RMP24: variants seen among roughly 807,000 people sequenced by gnomAD.
RMP24 encodes the protein ribonuclease MRP protein subunit p24.
chr18:35,973,052 A>G, the RMP24 span: 3 of 1,079,456 alleles, frequency 2.8e-6, no homozygotes, highest in East Asian at 2.6e-5. Context: ...CGGTTTCGTG[A>G]AAAATCCAAA....
the RMP24 span, among the ~76,000 whole-genome samples, chr18:35,974,369 A>G: frequency 1.3e-5 from 2 of 152,152 alleles, no homozygotes; most frequent in African/African-American, 4.8e-5. Flanking sequence ...GGCATTCTTA[A>G]TTGTCACTTA....
chr18:35,976,529 A>G, the RMP24 span, among the ~76,000 whole-genome samples: 4 of 152,182 alleles, frequency 2.6e-5, no homozygotes, highest in Admixed American at 1.3e-4. Context: ...TAGAAAATGG[A>G]CCATTTCTTG....
the RMP24 span, chr18:35,975,099 A>G: frequency 6.2e-7 from 1 of 1,610,302 alleles, no homozygotes; most frequent in East Asian, 2.2e-5. Context: ...TGTATTGGTA[A>G]GATTTCAGTT....
At chr18:35,974,840 G>A in the RMP24 span, 2 of 1,448,974 alleles carry the variant, frequency 1.4e-6, no homozygotes, top group Admixed American at 3.7e-5. Flanking sequence ...TTGACAGTTT[G>A]AGGTAACAAA....
At chr18:35,974,821 T>C in the RMP24 span, 1 of 1,308,226 alleles carries the variant, frequency 7.6e-7, no homozygotes, top group South Asian at 1.3e-5. Context: ...AATATACTTT[T>C]TATAAATGTT....
chr18:35,978,734 A>G, the RMP24 span: 1 of 1,035,310 alleles, frequency 9.7e-7, no homozygotes, highest in Non-Finnish European at 1.4e-6. Context: ...AAATGATAAT[A>G]CACCGAGGAT....
At chr18:35,975,321 G>T in the RMP24 span, among the ~76,000 whole-genome samples, 1 of 152,146 alleles carries the variant, frequency 6.6e-6, no homozygotes, top group Admixed American at 6.5e-5. Flanking sequence ...GCTCTCAATT[G>T]TTTTGAGATC....
chr18:35,977,614 T>C, the RMP24 span: 1 of 1,600,476 alleles, frequency 6.2e-7, no homozygotes, highest in Admixed American at 1.8e-5. Context: ...TCTTAATCCA[T>C]GAAGTTTTTG....
chr18:35,978,689 A>G, the RMP24 span: 1 of 659,640 alleles, frequency 1.5e-6, no homozygotes, highest in South Asian at 3.4e-5. Context: ...TCTGTCAGAA[A>G]TTCCTGAGGA....
At chr18:35,978,949 T>G in the RMP24 span, 2 of 1,612,160 alleles carry the variant, frequency 1.2e-6, no homozygotes, top group East Asian at 4.5e-5. Context: ...CCCAAAAGAT[T>G]CCAAAGGTGG....
chr18:35,972,689 A>T, the RMP24 span: 1 of 1,572,522 alleles, frequency 6.4e-7, no homozygotes, highest in African/African-American at 1.4e-5. Context: ...CTATTTTCTC[A>T]CCTGGTTCCC....
At chr18:35,976,642 C>T in the RMP24 span, among the ~76,000 whole-genome samples, 2 of 152,066 alleles carry the variant, frequency 1.3e-5, no homozygotes, top group Non-Finnish European at 2.9e-5. Flanking sequence ...TACTTTAGAC[C>T]TATGTTTACA....
the RMP24 span, chr18:35,972,789 C>G: frequency 6.2e-7 from 1 of 1,614,022 alleles, no homozygotes; most frequent in East Asian, 2.2e-5. Flanking sequence ...CTGCCCGGGC[C>G]AAGCCCGCTA....
At chr18:35,977,741 T>C in the RMP24 span, 1 of 751,372 alleles carries the variant, frequency 1.3e-6, no homozygotes, top group Admixed American at 2.9e-5. Context: ...TAATGTCACA[T>C]ACTCCCATAT....
chr18:35,978,193 G>A, the RMP24 span, among the ~76,000 whole-genome samples: 1 of 152,192 alleles, frequency 6.6e-6, no homozygotes, highest in Non-Finnish European at 1.5e-5. Context: ...CATCTTTCTG[G>A]AGCATAGCTC....
chr18:35,972,766 G>A, the RMP24 span: 4 of 1,613,852 alleles, frequency 2.5e-6, no homozygotes, highest in East Asian at 4.5e-5. Context: ...GCAGCGCGGG[G>A]ACTGCACGAC....
the RMP24 span, chr18:35,978,707 C>A: frequency 1.3e-6 from 1 of 791,008 alleles, no homozygotes; most frequent in Non-Finnish European, 1.9e-6. Context: ...GGAAATCTAA[C>A]TGAACAGGGA....
At chr18:35,976,218 C>T in the RMP24 span, among the ~76,000 whole-genome samples, 2 of 129,126 alleles carry the variant, frequency 1.5e-5, no homozygotes, top group African/African-American at 5.9e-5. Context: ...GGCGTGATCT[C>T]GGTTCACTGC....
chr18:35,975,023 A>C, the RMP24 span: 1 of 1,614,176 alleles, frequency 6.2e-7, no homozygotes, highest in Non-Finnish European at 8.5e-7. Flanking sequence ...TTAATCGAGA[A>C]GCGAGAAACT....
Sources: allele counts gnomAD v4.1 joint callset (sites outside exome capture counted in the v4.1 genomes callset), GRCh38; gene constraint gnomAD v4.1.1; transcripts MANE v1.5; gene names NCBI Gene and HGNC (gene_info 2026-07-23, HGNC 2026-07-21).